The following UBE2N variants were observed in gnomAD, a reference collection of about 807,000 sequenced individuals.
The protein encoded by UBE2N is ubiquitin-conjugating enzyme E2 N.
For synonymous variants in UBE2N, 70 were observed against 69.2 expected, an observed-to-expected ratio of 1.01 and a Z score of -0.06; for missense variants, 60 against 192.1, an observed-to-expected ratio of 0.31 and a Z score of 4.07.
Position 93,407,430 on chromosome 12 carries a change from A to C in UBE2N, c.*2609T>G, listed in dbSNP as rs768124096. The C allele has an allele frequency of 4.6e-5, 7 of 152,236 alleles. No homozygotes were observed. Among genetic ancestry groups the C allele is most frequent in the African/African-American group, 7.2e-5 (3 of 41,454 alleles). 9.4% of individuals were successfully genotyped at this position (152,236 alleles called of 1,614,324 possible). On this transcript the variant is annotated 3_prime_UTR_variant, in exon 4 of 4. Transcript: ENST00000318066. ...AAACATGAAACACTTTTGTTGAATA[A>C]TGTGTTTCCTTTAGCCCAGGGATTA...
chr12:93,421,694 A>G (rs556882341), intron 1 of UBE2N, among the ~76,000 whole-genome samples: 3 of 151,734 alleles, frequency 2.0e-5, no homozygotes, highest in African/African-American at 7.3e-5. Flanking sequence ...TAAAAATAGG[A>G]AAAAAACTGA....
intron 1 of UBE2N, among the ~76,000 whole-genome samples, chr12:93,419,222 C>G (rs1024894347): frequency 2.0e-5 from 3 of 152,060 alleles, no homozygotes; most frequent in African/African-American, 4.8e-5. Context: ...GAAACCCTGT[C>G]TCTACTAAAA....
intron 1 of UBE2N, among the ~76,000 whole-genome samples, chr12:93,423,828 A>G (rs1336030904): frequency 6.6e-6 from 1 of 152,132 alleles, no homozygotes; most frequent in African/African-American, 2.4e-5. Context: ...TTAGGCCTAT[A>G]ATTACTGTTT....
At chr12:93,429,721 T>A (rs1352652359) in intron 1 of UBE2N, among the ~76,000 whole-genome samples, 3 of 152,134 alleles carry the variant, frequency 2.0e-5, no homozygotes, top group Non-Finnish European at 4.4e-5. Flanking sequence ...ACAGTGATAC[T>A]GCTGATCCTG....
intron 1 of UBE2N, among the ~76,000 whole-genome samples, chr12:93,439,613 G>C (rs1310232279): frequency 6.6e-6 from 1 of 152,182 alleles, no homozygotes; most frequent in Non-Finnish European, 1.5e-5. Context: ...ACAGAAGTTT[G>C]TATAGTGATT....
At chr12:93,420,693 A>G (rs563116735) in intron 1 of UBE2N, among the ~76,000 whole-genome samples, 1 of 152,318 alleles carries the variant, frequency 6.6e-6, no homozygotes, top group South Asian at 2.1e-4. Context: ...GTTCATTGGT[A>G]AATTCCATCT....
chr12:93,419,137 T>A (rs1878319402), intron 1 of UBE2N, among the ~76,000 whole-genome samples: 1 of 152,214 alleles, frequency 6.6e-6, no homozygotes, highest in South Asian at 2.1e-4. Context: ...TGGTGTCTCA[T>A]GCCTATAATC....
rs1202590685 is a variant in UBE2N at position 93,406,453 on chromosome 12, CT to C, written c.*3585del. The C allele has an allele frequency of 6.6e-6, 1 of 152,048 alleles. No homozygotes were observed. The highest frequency in any genetic ancestry group is 2.4e-5 in the African/African-American group (1 of 41,390). 9.4% of individuals were successfully genotyped at this position (152,048 alleles called of 1,614,324 possible). ...CATCAAACAACCATAGCACCTGTGACTTTTATCTGTTGGTTTGTATTTAATC... is the reference window on the plus strand; with the variant it reads ...CATCAAACAACCATAGCACCTGTGACTTTATCTGTTGGTTTGTATTTAATC... On this transcript the variant is annotated 3_prime_UTR_variant, in exon 4 of 4. Coordinates refer to ENST00000318066, the MANE Select transcript of UBE2N (RefSeq NM_003348.4).
Position 93,441,912 on chromosome 12 carries a change from G to A in UBE2N, c.-28C>T, listed in dbSNP as rs374442407. 5.7e-6 allele frequency: 9 copies of A among 1,568,780 alleles called. No individual in the cohort carries two copies. The highest frequency in any genetic ancestry group is 1.2e-5 in the South Asian group (1 of 86,414). On this transcript the variant is annotated 5_prime_UTR_variant, in exon 1 of 4. Transcript: ENST00000318066. ...TGTCAGAACCCGAGTTCGGCCTCTG[G>A]TCTCGTCTCCGGCTCCTCTCGCCTC...
At chr12:93,426,869 G>A (rs1327886989) in intron 1 of UBE2N, among the ~76,000 whole-genome samples, 1 of 151,608 alleles carries the variant, frequency 6.6e-6, no homozygotes, top group Non-Finnish European at 1.5e-5. Context: ...TGCATCAGCA[G>A]ATTTTTTTTT....
At chr12:93,425,279 T>A (rs944248422) in intron 1 of UBE2N, among the ~76,000 whole-genome samples, 10 of 152,192 alleles carry the variant, frequency 6.6e-5, no homozygotes, top group Non-Finnish European at 1.0e-4. Context: ...CATTTCATAT[T>A]CCCTAAATCA....
At chr12:93,438,157 T>C (rs1481836073) in intron 1 of UBE2N, among the ~76,000 whole-genome samples, 2 of 152,232 alleles carry the variant, frequency 1.3e-5, no homozygotes, top group African/African-American at 4.8e-5. Context: ...GTGCCAAGGA[T>C]TGGTCTAGGC....
rs1424684428 is a variant in UBE2N at position 93,430,641 on chromosome 12, A to G, written c.30+11214T>C. ...AAAAACCAAGAAAAGCGGCAGGCTC[A>G]GTGGCTCACGCCTGTAATCCCAACA... On this transcript the variant is annotated intron_variant, in intron 1 of 3. Transcript: ENST00000318066. 2.0e-5 allele frequency among the ~76,000 whole-genome samples: 3 copies of G among 151,894 alleles called. No individual in the cohort carries two copies. In the East Asian group the frequency reaches 5.8e-4, roughly 29 times the overall value.
intron 1 of UBE2N, among the ~76,000 whole-genome samples, chr12:93,419,171 G>A (rs1455542474): frequency 6.6e-6 from 1 of 152,098 alleles, no homozygotes; most frequent in Non-Finnish European, 1.5e-5. Flanking sequence ...AGGCCGAGGC[G>A]GGCAGATCAC....
At chr12:93,440,421 T>C (rs551623496) in intron 1 of UBE2N, among the ~76,000 whole-genome samples, 2 of 152,374 alleles carry the variant, frequency 1.3e-5, no homozygotes, top group East Asian at 3.8e-4. Context: ...GACAATCTGT[T>C]CTACTTCTCT....
In UBE2N at chr12:93,409,816, CACA is replaced by C; in HGVS notation, c.*220_*222del. 1.9e-6 allele frequency: 1 copy of C among 535,106 alleles called. No homozygotes were observed. Among genetic ancestry groups the C allele is most frequent in the Non-Finnish European group, 3.3e-6 (1 of 299,310 alleles). 33.1% of individuals were successfully genotyped at this position (535,106 alleles called of 1,614,324 possible). A position where few individuals can be genotyped will look rare whatever the true frequency, so the allele number is the denominator to read the frequency against. On this transcript the variant is annotated 3_prime_UTR_variant, in exon 4 of 4. Coordinates refer to ENST00000318066, the MANE Select transcript of UBE2N (RefSeq NM_003348.4). ...GAGGGGCCACTGCTTTTAAACGTTT[CACA>C]ACAATCCAGATGATACTTCTAGCCT...
chr12:93,434,096 T>C lies in UBE2N; in HGVS notation c.30+7759A>G, dbSNP rs529687922. 2.0e-5 allele frequency among the ~76,000 whole-genome samples: 3 copies of C among 152,186 alleles called. No individual in the cohort carries two copies. The East Asian group carries it at 5.8e-4, about 29-fold the overall frequency. The stretch of plus-strand genomic sequence containing the variant: ...TCACGAGGTCAGGAGATTGAAACCA[T>C]CCTGGCCAACATGGTGAAACCCGTC... On this transcript the variant is annotated intron_variant, in intron 1 of 3. Transcript: ENST00000318066.
At chr12:93,412,506 A>G (rs976623326) in intron 1 of UBE2N, among the ~76,000 whole-genome samples, 21 of 152,230 alleles carry the variant, frequency 1.4e-4, no homozygotes, top group Non-Finnish European at 2.5e-4. Context: ...ACTTGAACAT[A>G]AATTTAATTT....
chr12:93,418,502 A>G (rs1206097241), intron 1 of UBE2N, among the ~76,000 whole-genome samples: 3 of 136,524 alleles, frequency 2.2e-5, no homozygotes, highest in African/African-American at 3.7e-5. Flanking sequence ...TTAGAAACAT[A>G]TAATGTCTCA....
Sources: gnomAD v4.1 joint callset for allele counts (sites outside exome capture counted in the v4.1 genomes callset) on GRCh38, gnomAD v4.1.1 for gene constraint, MANE v1.5 for transcripts, NCBI Gene and HGNC (gene_info 2026-07-23, HGNC 2026-07-21) for gene names.